Variants in HTR1E observed in about 807,000 individuals in gnomAD.
HTR1E encodes the protein 5-HT-1E.
A neutral mutation model predicts 3.4 loss-of-function variants in HTR1E; 3 were observed. The ratio of observed to expected loss-of-function variants is 0.89; its 90% CI spans 0.41 to 2.31. The LOEUF is 2.31. HTR1E is among the 30% of genes most tolerant of loss of function. The pLI, the probability that HTR1E is intolerant of heterozygous loss-of-function variation, is 0.05. For synonymous variants in HTR1E, 170 were observed against 182.8 expected, an observed-to-expected ratio of 0.93 and a Z score of 0.56; for missense variants, 392 against 467.0, an observed-to-expected ratio of 0.84 and a Z score of 1.48.
intron 1 of HTR1E, among the ~76,000 whole-genome samples, chr6:86,990,674 G>A (rs969800593): frequency 2.0e-5 from 3 of 152,080 alleles, no homozygotes; most frequent in African/African-American, 7.2e-5. Context: ...AATTTCCCCA[G>A]AACTAAAGGC....
In HTR1E at chr6:86,940,998, T is replaced by C. The variant is rs181962146; in HGVS notation, c.-186+3175T>C. Among the ~76,000 whole-genome samples the C allele has an allele frequency of 1.8e-3, 276 of 152,248 alleles. 2 individuals carry two copies. Among genetic ancestry groups the C allele is most frequent in the Middle Eastern group, 0.01 (3 of 294 alleles). ...ACCCCAGGGAAACATTGAAGATGAG[T>C]GTGCCGTCACAAGTGACGAGGGGAC... On this transcript the variant is annotated intron_variant, in intron 1 of 1. Coordinates refer to ENST00000305344, the MANE Select transcript of HTR1E (RefSeq NM_000865.3).
At chr6:86,983,451 T>G (rs1767740472) in intron 1 of HTR1E, among the ~76,000 whole-genome samples, 1 of 152,216 alleles carries the variant, frequency 6.6e-6, no homozygotes, top group Non-Finnish European at 1.5e-5. Context: ...TGTGAAGCTC[T>G]TAATTAAAAT....
intron 1 of HTR1E, among the ~76,000 whole-genome samples, chr6:87,006,662 A>G (rs1464470029): frequency 1.3e-5 from 2 of 152,332 alleles, no homozygotes; most frequent in South Asian, 2.1e-4. Context: ...CAGCAAAAAC[A>G]TGAAATCAAC....
chr6:87,012,752 T>C lies in HTR1E; in HGVS notation c.-185-2398T>C, dbSNP rs184898531. ...AGGCGTTGTTCTCAGCTTCTACGTGTATTAACACATTTGATCTTCACACTA... is the reference window on the plus strand; with the variant it reads ...AGGCGTTGTTCTCAGCTTCTACGTGCATTAACACATTTGATCTTCACACTA... On this transcript the variant is annotated intron_variant, in intron 1 of 1. Coordinates refer to ENST00000305344, the MANE Select transcript of HTR1E (RefSeq NM_000865.3). Among the ~76,000 whole-genome samples the C allele has an allele frequency of 2.6e-3, 401 of 152,316 alleles. 9 individuals are homozygous for C. Among genetic ancestry groups the C allele is most frequent in the Non-Finnish European group, 7.9e-4 (54 of 68,016 alleles).
At position 86,996,924 on chromosome 6, in the gene HTR1E, T is replaced by C. The variant is rs933535869; in HGVS notation, c.-185-18226T>C. ...CAAGCAAAGGCAGTAAAAAAAAAGT[T>C]AGAGATCAATATCTTCCATGAATAT... On this transcript the variant is annotated intron_variant, in intron 1 of 1. Coordinates refer to ENST00000305344, the MANE Select transcript of HTR1E (RefSeq NM_000865.3). Among the ~76,000 whole-genome samples the C allele has an allele frequency of 1.1e-4, 17 of 151,978 alleles. No homozygotes were observed. The East Asian group carries it at 3.3e-3, about 29-fold the overall frequency.
rs13212876 is a variant in HTR1E, at chr6:86,949,896, G to A, written c.-186+12073G>A. Among the ~76,000 whole-genome samples the A allele has an allele frequency of 4.0e-3, 610 of 151,942 alleles. 3 individuals carry two copies. The highest frequency in any genetic ancestry group is 6.0e-3 in the Non-Finnish European group (410 of 67,986). On this transcript the variant is annotated intron_variant, in intron 1 of 1. Transcript: ENST00000305344. ...CTTTGCAGAATGCTTGAATCATTTGGCTCTTGGTTAGTAGGCTCCCGTTAC... is the reference window on the plus strand; with the variant it reads ...CTTTGCAGAATGCTTGAATCATTTGACTCTTGGTTAGTAGGCTCCCGTTAC...
Position 86,942,569 on chromosome 6 carries a change from C to T in HTR1E, c.-186+4746C>T, listed in dbSNP as rs546513692. Among the ~76,000 whole-genome samples, 3 of 152,280 alleles carry T rather than the reference C, an allele frequency of 2.0e-5. No individual in the cohort carries two copies. In the East Asian group the frequency reaches 5.8e-4, roughly 29 times the overall value. The stretch of plus-strand genomic sequence containing the variant: ...CATTTTAACTTTCTTACCATTCTTT[C>T]CTTCTGAACCTAATTCAATTCCTTA... On this transcript the variant is annotated intron_variant, in intron 1 of 1. Transcript: ENST00000305344.
In HTR1E at chr6:87,009,773, G is replaced by A. The variant is rs548713236; in HGVS notation, c.-185-5377G>A. ...CTTCCCAGTAGGGGCGGCTGGCCGG[G>A]CAGGGGGGCTGACCTCCCCCACCTC... On this transcript the variant is annotated intron_variant, in intron 1 of 1. Transcript: ENST00000305344. Among the ~76,000 whole-genome samples, 311 of 134,582 alleles carry A rather than the reference G, an allele frequency of 2.3e-3. 26 individuals carry two copies. Among genetic ancestry groups the A allele is most frequent in the African/African-American group, 9.4e-3 (300 of 31,982 alleles). The allele number at this position is 134,582 out of a possible 152,430, so 88.3% of individuals were successfully genotyped here.
intron 1 of HTR1E, among the ~76,000 whole-genome samples, chr6:86,966,644 G>A (rs1767475525): frequency 6.6e-6 from 1 of 152,150 alleles, no homozygotes; most frequent in Non-Finnish European, 1.5e-5. Flanking sequence ...AAGACGGTGT[G>A]GGAGCTGAGA....
At chr6:86,943,387 G>A (rs77182082) in intron 1 of HTR1E, among the ~76,000 whole-genome samples, 347 of 152,266 alleles carry the variant, frequency 2.3e-3, no homozygotes, top group African/African-American at 7.8e-3. Flanking sequence ...CAGTGCCAGC[G>A]TGGCAGTGAA....
intron 1 of HTR1E, among the ~76,000 whole-genome samples, chr6:86,962,811 C>T (rs1767427379): frequency 6.6e-6 from 1 of 152,050 alleles, no homozygotes; most frequent in Non-Finnish European, 1.5e-5. Context: ...GCACTCCAGC[C>T]TGGGTGACAG....
At chr6:86,982,473 G>A (rs146615126) in intron 1 of HTR1E, among the ~76,000 whole-genome samples, 41 of 152,332 alleles carry the variant, frequency 2.7e-4, no homozygotes, top group Admixed American at 1.2e-3. Flanking sequence ...CTGCAAGGAA[G>A]TGACAGAAGA....
intron 1 of HTR1E, among the ~76,000 whole-genome samples, chr6:86,996,979 CA>C (rs947194845): frequency 1.3e-5 from 2 of 151,834 alleles, no homozygotes. Flanking sequence ...AAAATATTAT[CA>C]AAAGAATTCA....
intron 1 of HTR1E, among the ~76,000 whole-genome samples, chr6:86,975,840 T>C (rs553374430): frequency 6.7e-6 from 1 of 150,252 alleles, no homozygotes; most frequent in African/African-American, 2.5e-5. Context: ...ATCAATATAA[T>C]CATTGTTTAA....
intron 1 of HTR1E, among the ~76,000 whole-genome samples, chr6:86,976,643 C>T (rs969305214): frequency 5.3e-5 from 8 of 152,174 alleles, no homozygotes; most frequent in Non-Finnish European, 7.3e-5. Context: ...ATAAATGGAA[C>T]GCCTGCACTA....
chr6:86,970,915 C>G (rs1309881518), intron 1 of HTR1E: 1 of 304,144 alleles, frequency 3.3e-6, no homozygotes, highest in African/African-American at 2.2e-5. Flanking sequence ...ATGAGCTAAT[C>G]TACAACAGTG....
At chr6:86,950,807 G>T (rs1410025368) in intron 1 of HTR1E, among the ~76,000 whole-genome samples, 1 of 152,036 alleles carries the variant, frequency 6.6e-6, no homozygotes, top group Non-Finnish European at 1.5e-5. Flanking sequence ...GTGCCTTTGG[G>T]GGTTAAAATG....
At chr6:86,960,525 C>T (rs1200269651) in intron 1 of HTR1E, among the ~76,000 whole-genome samples, 1 of 152,074 alleles carries the variant, frequency 6.6e-6, no homozygotes, top group Admixed American at 6.6e-5. Flanking sequence ...ACCAGTTAGA[C>T]TCCATTTATG....
intron 1 of HTR1E, among the ~76,000 whole-genome samples, chr6:86,981,154 C>T (rs992954014): frequency 1.3e-5 from 2 of 152,152 alleles, no homozygotes; most frequent in Admixed American, 6.6e-5. Context: ...AGATATCCAC[C>T]GACTTTAAGT....
Sources: allele counts gnomAD v4.1 joint callset (sites outside exome capture counted in the v4.1 genomes callset), GRCh38; gene constraint gnomAD v4.1.1; transcripts MANE v1.5; gene names NCBI Gene and HGNC (gene_info 2026-07-23, HGNC 2026-07-21).